The following ITGB7 variants were observed in gnomAD, a reference collection of about 807,000 sequenced individuals.
ITGB7 encodes integrin beta-7.
A neutral mutation model predicts 83.4 loss-of-function variants in ITGB7; 55 were observed. That is an observed-to-expected ratio of 0.66 (90% CI 0.53 to 0.83). ITGB7 has a LOEUF of 0.83. ITGB7 is among the 40% of genes least tolerant of loss of function. The pLI, the probability that ITGB7 is intolerant of heterozygous loss-of-function variation, is 0.00. For missense variants in ITGB7, 921 were observed against 1,046.7 expected (o/e 0.88, Z 1.66); for synonymous variants, 454 against 423.6 (o/e 1.07, Z -0.88).
At position 53,191,838 on chromosome 12, in the gene ITGB7, CT is replaced by C. The variant is rs752998015; in HGVS notation, c.2316+20del. The stretch of plus-strand genomic sequence containing the variant: ...GGTGGGGGAACAGCTAAAAAGGGGC[CT>C]AACCAGGAAGTCTCCTCACCTGCTT... On this transcript the variant is annotated intron_variant, in intron 15 of 15. Coordinates refer to ENST00000267082, the MANE Select transcript of ITGB7 (RefSeq NM_000889.3). 81 of 1,613,424 alleles carry C rather than the reference CT, an allele frequency of 5.0e-5. No homozygotes were observed. In the African/African-American group the frequency reaches 8.9e-4, roughly 18 times the overall value.
In ITGB7 at chr12:53,191,482, C is replaced by G. The variant is rs2120379154; in HGVS notation, c.*74G>C. 4 of 1,209,584 alleles carry G rather than the reference C, an allele frequency of 3.3e-6. No homozygotes were observed. The East Asian group carries it at 9.3e-5, about 28-fold the overall frequency. 74.9% of individuals were successfully genotyped at this position (1,209,584 alleles called of 1,614,324 possible). On this transcript the variant is annotated 3_prime_UTR_variant, in exon 16 of 16. Coordinates refer to ENST00000267082, the MANE Select transcript of ITGB7 (RefSeq NM_000889.3). ...AGTCCCCTACCAAGGTCTTACAGAC[C>G]CACCCTTCCTCTCACCCTCCAGTTC...
intron 1 of ITGB7, among the ~76,000 whole-genome samples, chr12:53,205,278 C>T (rs910221815): frequency 4.6e-5 from 7 of 151,996 alleles, no homozygotes; most frequent in East Asian, 1.9e-4. Context: ...TTGACCTTGC[C>T]GGCTCAATTG....
At position 53,192,899 on chromosome 12, in the gene ITGB7, A is replaced by C; in HGVS notation, c.1738T>G (p.Cys580Gly). The change falls in exon 13 of 16, where the codon TGC (cysteine) becomes GGC (glycine). Residue 580 changes from cysteine to glycine, a missense_variant. Cys to Gly is a radical substitution (Grantham distance 159). Coordinates refer to ENST00000267082, the MANE Select transcript of ITGB7 (RefSeq NM_000889.3). ...TGACAGTGACATACTCCACATTGGC[A>C]GCGACCAAAGCCTGGGGTAGAGCCA... ...EGILCGGFGR[C>G]QCGVCHCHAN... is the part of the protein sequence containing the mutation. 6.2e-7 allele frequency: 1 copy of C among 1,614,000 alleles called. No homozygotes were observed. Among genetic ancestry groups the C allele is most frequent in the Middle Eastern group, 1.6e-4 (1 of 6,062 alleles).
chr12:53,205,296 C>A (rs1942415419), intron 1 of ITGB7, among the ~76,000 whole-genome samples: 1 of 152,054 alleles, frequency 6.6e-6, no homozygotes, highest in Admixed American at 6.6e-5. Flanking sequence ...TTGATCCTTC[C>A]ACCTCAGCCT....
chr12:53,198,653 T>G (rs1415707096), intron 3 of ITGB7, among the ~76,000 whole-genome samples: 1 of 108,162 alleles, frequency 9.2e-6, no homozygotes, highest in Non-Finnish European at 1.8e-5. Flanking sequence ...CCTACCCCTC[T>G]CCTCCCCAAT....
At chr12:53,204,134 C>T (rs1942381218) in intron 1 of ITGB7, among the ~76,000 whole-genome samples, 1 of 152,240 alleles carries the variant, frequency 6.6e-6, no homozygotes, top group South Asian at 2.1e-4. Flanking sequence ...AATCCCAGCA[C>T]TTTGGGAGGC....
intron 3 of ITGB7, 94 bp from the exon 4 acceptor site, chr12:53,198,045 G>GC (rs1592407098): frequency 1.1e-6 from 1 of 937,822 alleles, no homozygotes; most frequent in African/African-American, 1.7e-5. Flanking sequence ...CACCTCTAAT[G>GC]CCCCCACCTC....
intron 3 of ITGB7, 145 bp from the exon 4 acceptor site, chr12:53,198,096 C>T: frequency 1.7e-6 from 1 of 598,432 alleles, no homozygotes; most frequent in Non-Finnish European, 2.8e-6. Flanking sequence ...CCCTCTTCCT[C>T]GCCACAGCTA....
At chr12:53,197,406 C>T (rs1160948039) in intron 5 of ITGB7, 87 bp downstream of exon 5, 1 of 1,498,574 alleles carries the variant, frequency 6.7e-7, no homozygotes, top group Admixed American at 1.7e-5. Flanking sequence ...CAAGTTGGGG[C>T]CCTTGTGAGT....
rs980664898 is a variant in ITGB7, at chr12:53,204,311, C to T, written c.-127+2891G>A. Among the ~76,000 whole-genome samples, 5 of 150,376 alleles carry T rather than the reference C, an allele frequency of 3.3e-5. No homozygotes were observed. In the East Asian group the frequency reaches 5.8e-4, roughly 18 times the overall value. ...AGGAAAATCGCTTGAACCCAGGAGG[C>T]GGAGGTTGCAGTGAGCCGAGATTGT... On this transcript the variant is annotated intron_variant, in intron 1 of 15. Transcript: ENST00000267082.
chr12:53,193,037 C>T (rs994556038), intron 12 of ITGB7, 103 bp downstream of exon 12: 19 of 1,375,366 alleles, frequency 1.4e-5, no homozygotes, highest in South Asian at 3.9e-5. Context: ...ACCCATACAC[C>T]GGAATCTTTT....
chr12:53,195,213 G>A, intron 9 of ITGB7, 161 bp downstream of exon 9: 1 of 617,082 alleles, frequency 1.6e-6, no homozygotes, highest in Non-Finnish European at 2.9e-6. Context: ...ATGTAAGATT[G>A]AACAGTTAAT....
At chr12:53,193,625 G>A in intron 11 of ITGB7, 83 bp downstream of exon 11, 2 of 1,218,432 alleles carry the variant, frequency 1.6e-6, no homozygotes, top group South Asian at 1.5e-5. Context: ...CCTGTGGGGG[G>A]GATGGAAAGC....
chr12:53,198,062 A>G, intron 3 of ITGB7, 111 bp from the exon 4 acceptor site: 2 of 712,262 alleles, frequency 2.8e-6, no homozygotes, highest in South Asian at 1.9e-5. Flanking sequence ...CCTCCAGTCC[A>G]CTCCTTGAGT....
chr12:53,192,242 C>T, intron 14 of ITGB7, 88 bp downstream of exon 14: 1 of 1,416,568 alleles, frequency 7.1e-7, no homozygotes. Flanking sequence ...AGCCCCCAGC[C>T]TGTTTCCCAT....
Position 53,193,151 on chromosome 12 carries a change from A to T in ITGB7, c.1715T>A (p.Ile572Asn), listed in dbSNP as rs1260406691. The change falls in exon 12 of 16, where the codon ATC becomes AAC. Residue 572 changes from isoleucine to asparagine, a missense_variant. Transcript: ENST00000267082. Reference protein sequence around the residue: ...DDASCERHEGILCGGFGRCQC... With the variant: ...DDASCERHEGNLCGGFGRCQC... Reference sequence around the variant, plus strand: ...AAGGCTCCAGGTACCTCCGCAGAGGATGCCCTCATGTCGCTCACAGCTGGC... The same window carrying T: ...AAGGCTCCAGGTACCTCCGCAGAGGTTGCCCTCATGTCGCTCACAGCTGGC... 5 of 1,610,122 alleles carry T rather than the reference A, an allele frequency of 3.1e-6. No homozygotes were observed. Among genetic ancestry groups the T allele is most frequent in the Non-Finnish European group, 4.2e-6 (5 of 1,176,984 alleles).
In ITGB7 at chr12:53,196,209, A is replaced by G. The variant is rs763860677; in HGVS notation, c.817-10T>C. ...TCCAGCCAATCTGCTCCTGAGTTACAGTGGGGGTGGTAGGCTATGCACCTG... is the reference window on the plus strand; with the variant it reads ...TCCAGCCAATCTGCTCCTGAGTTACGGTGGGGGTGGTAGGCTATGCACCTG... On this transcript the variant is annotated splice_polypyrimidine_tract_variant and intron_variant, in intron 6 of 15. Coordinates refer to ENST00000267082, the MANE Select transcript of ITGB7 (RefSeq NM_000889.3). 2.5e-6 allele frequency: 4 copies of G among 1,613,552 alleles called. No individual in the cohort carries two copies. The highest frequency in any genetic ancestry group is 1.3e-5 in the African/African-American group (1 of 74,914).
rs767275705 is a variant in ITGB7 at position 53,193,837 on chromosome 12, C to T, written c.1373G>A (p.Arg458Gln). 31 of 1,613,840 alleles carry T rather than the reference C, an allele frequency of 1.9e-5. No homozygotes were observed. The highest frequency in any genetic ancestry group is 8.0e-5 in the African/African-American group (6 of 74,850). The change falls in exon 11 of 16, where the codon CGG becomes CAG. Residue 458 changes from arginine to glutamine, a missense_variant. Transcript: ENST00000267082. ...CLPEPHLLRL[R>Q]ALGFSEELIV... ...CAGCTCCTCTGAGAAGCCAAGGGCC[C>T]GGAGCCTCAGGAGATGGGGCTCTGG... is the stretch of plus-strand genomic sequence containing the variant.
rs1226363341 is a variant in ITGB7, at chr12:53,195,395, C to T, written c.1140G>A (p.Gln380=). 1.9e-6 allele frequency: 3 copies of T among 1,612,722 alleles called. No homozygotes were observed. Among genetic ancestry groups the T allele is most frequent in the Non-Finnish European group, 2.5e-6 (3 of 1,178,968 alleles). ...TCACATTATAAGCATCCATGATGAG[C>T]TGTACCACGTTGCTGGAGTCCTCAC... ...ELSEDSSNVV[Q]LIMDAYNSLS... is the part of the protein sequence containing the mutation. The change falls in exon 9 of 16, where the codon CAG becomes CAA. Residue 380 remains glutamine (Q), a synonymous_variant. Transcript: ENST00000267082.
Sources: allele counts gnomAD v4.1 joint callset (sites outside exome capture counted in the v4.1 genomes callset), GRCh38; gene constraint gnomAD v4.1.1; transcripts MANE v1.5; gene names NCBI Gene and HGNC (gene_info 2026-07-23, HGNC 2026-07-21).